AGMO: variants seen among roughly 807,000 people sequenced by gnomAD.
AGMO encodes glyceryl-ether monooxygenase.
AGMO carries 75 observed loss-of-function variants against 60.2 expected under a neutral mutation model. The observed-to-expected ratio is 1.25, with a 90% CI of 1.03 to 1.51. The LOEUF (loss-of-function observed/expected upper bound fraction) is 1.51. Ranked by LOEUF, AGMO falls within the 40% of genes most tolerant of loss-of-function variation. The probability of loss-of-function intolerance (pLI) is 0.00; values close to 1 mark genes in which losing one functional copy is unlikely to be tolerated. For missense variants in AGMO, 763 were observed against 525.5 expected (o/e 1.45, Z -4.42); for synonymous variants, 261 against 177.1 (o/e 1.47, Z -3.76).
chr7:15,372,666 C>G (rs1232770165), intron 10 of AGMO, among the ~76,000 whole-genome samples: 2 of 152,128 alleles, frequency 1.3e-5, no homozygotes, highest in Non-Finnish European at 1.5e-5. Flanking sequence ...GTTTTGAAGA[C>G]TATAAATATT....
chr7:15,507,530 G>T (rs557480164), intron 3 of AGMO, among the ~76,000 whole-genome samples: 1 of 152,138 alleles, frequency 6.6e-6, no homozygotes, highest in East Asian at 1.9e-4. Flanking sequence ...GAGACACGAT[G>T]CCTTCAACAA....
intron 12 of AGMO, among the ~76,000 whole-genome samples, chr7:15,338,524 G>A (rs934150986): frequency 6.6e-6 from 1 of 152,008 alleles, no homozygotes; most frequent in African/African-American, 2.4e-5. Flanking sequence ...TCTTCCATAG[G>A]TACAAATTTC....
At chr7:15,359,511 A>T (rs1363092055) in intron 12 of AGMO, among the ~76,000 whole-genome samples, 1 of 152,198 alleles carries the variant, frequency 6.6e-6, no homozygotes, top group East Asian at 1.9e-4. Flanking sequence ...AGTGGCCTAC[A>T]TATATATCAT....
At chr7:15,364,830 G>A (rs1446920328) in intron 12 of AGMO, among the ~76,000 whole-genome samples, 1 of 151,996 alleles carries the variant, frequency 6.6e-6, no homozygotes, top group East Asian at 1.9e-4. Flanking sequence ...GTTATACATT[G>A]CACATTCTGG....
intron 12 of AGMO, among the ~76,000 whole-genome samples, chr7:15,335,833 G>A (rs963619653): frequency 3.3e-5 from 5 of 151,884 alleles, no homozygotes; most frequent in African/African-American, 4.8e-5. Flanking sequence ...CACAATATTC[G>A]GATTTCTCAC....
the AGMO span, among the ~76,000 whole-genome samples, chr7:15,137,463 G>T: frequency 1.3e-5 from 2 of 152,142 alleles, no homozygotes; most frequent in Non-Finnish European, 2.9e-5. Context: ...GTACTGTAGA[G>T]AATTTTGAAG....
intron 3 of AGMO, among the ~76,000 whole-genome samples, chr7:15,449,377 T>C (rs1279775860): frequency 2.0e-5 from 3 of 152,022 alleles, no homozygotes; most frequent in Admixed American, 6.6e-5. Context: ...TGTATAAACA[T>C]ATACAGCCAT....
At chr7:15,353,674 T>TA (rs1280481309) in intron 12 of AGMO, among the ~76,000 whole-genome samples, 1 of 152,180 alleles carries the variant, frequency 6.6e-6, no homozygotes, top group Non-Finnish European at 1.5e-5. Context: ...AAATATATAT[T>TA]AGTGTTGCTC....
intron 6 of AGMO, among the ~76,000 whole-genome samples, chr7:15,391,807 T>C (rs1583497886): frequency 6.6e-6 from 1 of 152,152 alleles, no homozygotes; most frequent in African/African-American, 2.4e-5. Context: ...TGGCAATTTC[T>C]GGAGACATGA....
At chr7:15,367,016 T>C (rs564928063) in intron 10 of AGMO, among the ~76,000 whole-genome samples, 69 of 152,188 alleles carry the variant, frequency 4.5e-4, no homozygotes, top group African/African-American at 1.5e-3. Context: ...TAAGTACATG[T>C]ACGGCAGTCT....
At chr7:15,357,155 T>C (rs949814523) in intron 12 of AGMO, among the ~76,000 whole-genome samples, 12 of 149,616 alleles carry the variant, frequency 8.0e-5, no homozygotes, top group Admixed American at 5.4e-4. Flanking sequence ...AATACTGAAA[T>C]AGATGAGTCA....
intron 12 of AGMO, among the ~76,000 whole-genome samples, chr7:15,339,198 T>C (rs1198630717): frequency 6.6e-6 from 1 of 152,082 alleles, no homozygotes; most frequent in Non-Finnish European, 1.5e-5. Context: ...AGATCATGAG[T>C]ACTAGTTGAT....
the AGMO span, among the ~76,000 whole-genome samples, chr7:15,167,998 T>C: frequency 1.3e-5 from 2 of 152,196 alleles, no homozygotes; most frequent in South Asian, 4.1e-4. Context: ...TCAAAGCTGG[T>C]CCTAGCAATG....
Position 15,561,999 on chromosome 7 carries a change from C to A in AGMO, c.-154G>T. The stretch of plus-strand genomic sequence containing the variant: ...CTCCACTGAGAGCACACTCAACAGC[C>A]GATTCTGTGTAGAGAGACAGGAAAA... On this transcript the variant is annotated 5_prime_UTR_variant, in exon 1 of 13. Coordinates refer to ENST00000342526, the MANE Select transcript of AGMO (RefSeq NM_001004320.2). 1.6e-6 allele frequency: 1 copy of A among 638,884 alleles called. No homozygotes were observed. Among genetic ancestry groups the A allele is most frequent in the Non-Finnish European group, 2.5e-6 (1 of 400,428 alleles). 39.6% of individuals were successfully genotyped at this position (638,884 alleles called of 1,614,324 possible). A position where few individuals can be genotyped will look rare whatever the true frequency, so the allele number is the denominator to read the frequency against.
intron 2 of AGMO, among the ~76,000 whole-genome samples, chr7:15,554,773 A>C (rs545217839): frequency 1.3e-5 from 2 of 152,232 alleles, no homozygotes; most frequent in African/African-American, 4.8e-5. Flanking sequence ...TCAATAAATC[A>C]GAAATAAATG....
rs543647733 is a variant in AGMO at position 15,318,368 on chromosome 7, GTCA to G, written c.1263+47143_1263+47145del. Among the ~76,000 whole-genome samples the G allele has an allele frequency of 3.4e-3, 523 of 152,158 alleles. 1 individual carries two copies. Among genetic ancestry groups the G allele is most frequent in the African/African-American group, 0.012 (489 of 41,520 alleles). On this transcript the variant is annotated intron_variant, in intron 12 of 12. Transcript: ENST00000342526. ...TATATGAGTTCTATTCTGATAAAAG[GTCA>G]TCAATTTCAGATTTCTGCTGAAAAA...
intron 8 of AGMO, among the ~76,000 whole-genome samples, chr7:15,387,834 A>C (rs1279334401): frequency 6.6e-6 from 1 of 152,140 alleles, no homozygotes; most frequent in Non-Finnish European, 1.5e-5. Flanking sequence ...AAATGAGTTA[A>C]GAGGCTTTGC....
At chr7:15,488,942 G>T (rs1422655190) in intron 3 of AGMO, among the ~76,000 whole-genome samples, 1 of 152,038 alleles carries the variant, frequency 6.6e-6, no homozygotes, top group East Asian at 1.9e-4. Context: ...TTTACTAAAG[G>T]TTGGGATTTC....
chr7:15,133,996 T>C, the AGMO span, among the ~76,000 whole-genome samples: 1 of 152,174 alleles, frequency 6.6e-6, no homozygotes, highest in African/African-American at 2.4e-5. Context: ...ATGGTCCCTA[T>C]ATCATAAATA....
Sources: gnomAD v4.1 joint callset for allele counts (sites outside exome capture counted in the v4.1 genomes callset) on GRCh38, gnomAD v4.1.1 for gene constraint, MANE v1.5 for transcripts, NCBI Gene and HGNC (gene_info 2026-07-23, HGNC 2026-07-21) for gene names.